Variants in NYAP2 observed in about 807,000 individuals in gnomAD.
NYAP2 encodes neuronal tyrosine-phosphorylated phosphoinositide-3-kinase adaptor 2.
Under a neutral mutation model 50.4 loss-of-function variants are expected in NYAP2, and 23 were observed. The ratio of observed to expected loss-of-function variants is 0.46; its 90% confidence interval spans 0.33 to 0.65. NYAP2 has a LOEUF of 0.65. Among genes scored for constraint, NYAP2 ranks in the 30% least tolerant of loss-of-function variants. The probability of loss-of-function intolerance (pLI) is 0.02; values close to 1 mark genes in which losing one functional copy is unlikely to be tolerated. For synonymous variants in NYAP2, 394 were observed against 365.2 expected (o/e 1.08, Z -0.90); for missense variants, 885 against 861.0 (o/e 1.03, Z -0.35).
intron 5 of NYAP2, among the ~76,000 whole-genome samples, chr2:225,588,297 T>C (rs1365377732): frequency 6.6e-6 from 1 of 151,964 alleles, no homozygotes; most frequent in Admixed American, 6.6e-5. Flanking sequence ...GTAGATCTGA[T>C]GAAATAGAAT....
intron 3 of NYAP2, among the ~76,000 whole-genome samples, chr2:225,418,849 C>G (rs1237613192): frequency 3.3e-5 from 5 of 152,086 alleles, no homozygotes; most frequent in African/African-American, 1.2e-4. Flanking sequence ...TATACATATA[C>G]ACATCTAAGT....
At chr2:225,651,680 G>A (rs879244469) in exon 7 of NYAP2, 5 of 1,063,470 alleles carry the variant, frequency 4.7e-6, no homozygotes, top group South Asian at 3.1e-5. Context: ...GGATGCGGGG[G>A]ATGAGTTCTG....
chr2:225,583,061 C>T (rs1457800856), intron 5 of NYAP2, 26 bp downstream of exon 5: 1 of 1,595,428 alleles, frequency 6.3e-7, no homozygotes, highest in Admixed American at 1.7e-5. Context: ...CTGCCTGAGC[C>T]CCAGAGCCCA....
At chr2:225,504,429 G>C (rs72974573) in intron 3 of NYAP2, among the ~76,000 whole-genome samples, 5 of 152,104 alleles carry the variant, frequency 3.3e-5, no homozygotes, top group African/African-American at 7.2e-5. Context: ...AATTTGGGGT[G>C]GGGGAGCAGG....
rs1354780033 is a variant in NYAP2, at chr2:225,520,704, C to T, written c.523+7032C>T. ...TGTAGTATAGTTTGAAATCAGGTAG[C>T]GTGATGCCTCCAGCTTTGTTCTTTT... On this transcript the variant is annotated intron_variant, in intron 4 of 6. Transcript: ENST00000636099. 6.6e-5 allele frequency among the ~76,000 whole-genome samples: 10 copies of T among 152,034 alleles called. 1 individual carries two copies. Among genetic ancestry groups the T allele is most frequent in the South Asian group, 4.1e-4 (2 of 4,824 alleles).
chr2:225,424,092 G>A (rs1232796261), intron 3 of NYAP2, among the ~76,000 whole-genome samples: 3 of 151,846 alleles, frequency 2.0e-5, no homozygotes, highest in African/African-American at 4.8e-5. Flanking sequence ...ATTTTATTTT[G>A]TTTACATTCA....
intron 4 of NYAP2, among the ~76,000 whole-genome samples, chr2:225,565,901 TA>T (rs139427253): frequency 1.3e-5 from 2 of 152,038 alleles, no homozygotes; most frequent in Non-Finnish European, 2.9e-5. Flanking sequence ...TAAAAAACGG[TA>T]AAAAAATGCC....
At chr2:225,446,756 G>A (rs888357167) in intron 3 of NYAP2, among the ~76,000 whole-genome samples, 10 of 152,184 alleles carry the variant, frequency 6.6e-5, no homozygotes, top group African/African-American at 2.4e-4. Context: ...TCTGTAAACA[G>A]CAGCAGGGTG....
chr2:225,405,238 T>A (rs1362024331), intron 2 of NYAP2, among the ~76,000 whole-genome samples: 1 of 151,970 alleles, frequency 6.6e-6, no homozygotes, highest in Non-Finnish European at 1.5e-5. Flanking sequence ...TTGTCACAAA[T>A]ACCTCATGCA....
downstream of NYAP2, among the ~76,000 whole-genome samples, chr2:225,655,669 T>A (rs889207289): frequency 6.6e-6 from 1 of 152,154 alleles, no homozygotes; most frequent in African/African-American, 2.4e-5. Flanking sequence ...CCTTCTTCAG[T>A]GACCCCATTG....
At chr2:225,480,975 TCAA>T (rs1185914848) in intron 3 of NYAP2, among the ~76,000 whole-genome samples, 1 of 152,072 alleles carries the variant, frequency 6.6e-6, no homozygotes, top group African/African-American at 2.4e-5. Context: ...CCCTAACAAT[TCAA>T]CAAGAGTCTC....
At chr2:225,410,150 G>GGA (rs989872455) in intron 3 of NYAP2, among the ~76,000 whole-genome samples, 3 of 151,902 alleles carry the variant, frequency 2.0e-5, no homozygotes, top group East Asian at 3.9e-4. Context: ...ATAACTTTAT[G>GGA]GAGAGAGAGA....
chr2:225,609,530 G>A (rs928346585), intron 5 of NYAP2, among the ~76,000 whole-genome samples: 5 of 152,096 alleles, frequency 3.3e-5, no homozygotes, highest in Admixed American at 2.0e-4. Context: ...GAAATGCAGC[G>A]AGTTCTTAGG....
chr2:225,581,566 T>G (rs928081849), intron 4 of NYAP2, among the ~76,000 whole-genome samples: 1 of 152,220 alleles, frequency 6.6e-6, no homozygotes. Context: ...TTTAGGTTTT[T>G]TTTCCTCCTG....
At chr2:225,624,902 C>G (rs982887868) in intron 5 of NYAP2, among the ~76,000 whole-genome samples, 2 of 151,854 alleles carry the variant, frequency 1.3e-5, no homozygotes, top group Non-Finnish European at 2.9e-5. Context: ...AAAGCTGAGG[C>G]CTCTGAGATT....
At chr2:225,670,605 CAAA>C in the NYAP2 span, among the ~76,000 whole-genome samples, 3 of 78,546 alleles carry the variant, frequency 3.8e-5, no homozygotes, top group African/African-American at 6.7e-5. Context: ...CAGTATTTTC[CAAA>C]AAAAAAAAAA....
intron 4 of NYAP2, among the ~76,000 whole-genome samples, chr2:225,546,315 G>A (rs779820886): frequency 9.2e-5 from 14 of 152,118 alleles, no homozygotes; most frequent in Middle Eastern, 3.2e-3. Flanking sequence ...GATGCCACAC[G>A]GGAGCCAAAA....
intron 3 of NYAP2, among the ~76,000 whole-genome samples, chr2:225,424,406 A>G (rs1016868243): frequency 6.6e-6 from 1 of 152,128 alleles, no homozygotes; most frequent in African/African-American, 2.4e-5. Flanking sequence ...CAACACTTCT[A>G]AGTACTGTAA....
chr2:225,439,767 A>C (rs1212695279), intron 3 of NYAP2, among the ~76,000 whole-genome samples: 2 of 152,226 alleles, frequency 1.3e-5, no homozygotes, highest in African/African-American at 4.8e-5. Context: ...TGCTGCTATG[A>C]AGAAATACCT....
Sources: allele counts gnomAD v4.1 joint callset (sites outside exome capture counted in the v4.1 genomes callset), GRCh38; gene constraint gnomAD v4.1.1; transcripts MANE v1.5; gene names NCBI Gene and HGNC (gene_info 2026-07-23, HGNC 2026-07-21).